PTCHD1: variants seen among roughly 807,000 people sequenced by gnomAD.
PTCHD1 encodes the protein patched domain-containing protein 1.
PTCHD1 carries 3 observed loss-of-function variants against 34.6 expected under a neutral mutation model. The observed-to-expected ratio is 0.09, with a 90% confidence interval of 0.04 to 0.22. PTCHD1 has a LOEUF of 0.22. Among genes scored for constraint, PTCHD1 ranks in the 10% least tolerant of loss-of-function variants. The probability of loss-of-function intolerance (pLI) is 1.00; values close to 1 mark genes in which losing one functional copy is unlikely to be tolerated. For missense variants in PTCHD1, 504 were observed against 685.5 expected, an observed-to-expected ratio of 0.74 and a Z score of 2.96; for synonymous variants, 305 against 283.1, an observed-to-expected ratio of 1.08 and a Z score of -0.77.
intron 1 of PTCHD1, among the ~76,000 whole-genome samples, chrX:23,340,355 T>G (rs1165053143): frequency 8.9e-6 from 1 of 111,898 alleles, no homozygotes; most frequent in African/African-American, 3.3e-5. Flanking sequence ...GCTCTGTCCC[T>G]TCAGGTCTAA....
chrX:23,360,809 C>T (rs893523026), intron 1 of PTCHD1, among the ~76,000 whole-genome samples: 10 of 112,203 alleles, frequency 8.9e-5, no homozygotes, highest in African/African-American at 2.6e-4. Context: ...GCCCTCTACA[C>T]CCTACTTTAA....
Position 23,396,969 on chromosome X carries a change from C to T in PTCHD1, c.*2784C>T, listed in dbSNP as rs1264654684. ...CATAAAATCTAAGTCTTTACTTCATCAAGTTTTACTTTTTGAATTGCTATA... is the reference window on the plus strand; with the variant it reads ...CATAAAATCTAAGTCTTTACTTCATTAAGTTTTACTTTTTGAATTGCTATA... On this transcript the variant is annotated 3_prime_UTR_variant, in exon 3 of 3. Coordinates refer to ENST00000379361, the MANE Select transcript of PTCHD1 (RefSeq NM_173495.3). The T allele has an allele frequency of 7.1e-5, 8 of 112,107 alleles. No homozygotes were observed. The highest frequency in any genetic ancestry group is 9.7e-5 in the African/African-American group (3 of 30,872). 9.2% of individuals were successfully genotyped at this position (112,107 alleles called of 1,213,427 possible). A position where few individuals can be genotyped will look rare whatever the true frequency, so the allele number is the denominator to read the frequency against.
chrX:23,363,129 C>G (rs1290673402), intron 1 of PTCHD1, among the ~76,000 whole-genome samples: 1 of 112,505 alleles, frequency 8.9e-6, no homozygotes, highest in Non-Finnish European at 1.9e-5. Context: ...AGGAGGCAGT[C>G]TGTCCATTCT....
At chrX:23,371,066 T>C (rs1289652601) in intron 1 of PTCHD1, among the ~76,000 whole-genome samples, 1 of 111,433 alleles carries the variant, frequency 9.0e-6, no homozygotes, top group Admixed American at 9.5e-5. Flanking sequence ...TCACATAAAA[T>C]TGCCGCTATT....
At position 23,401,023 on chromosome X, in the gene PTCHD1, TTGTGTG is replaced by T. The variant is rs761301286; in HGVS notation, c.*6868_*6873del. ...GGTGCCCGCCACCGCGCCCGGCTAA[TTGTGTG>T]TGTGTGTGTGTGTGTGTGTGTGTGT... On this transcript the variant is annotated 3_prime_UTR_variant, in exon 3 of 3. Coordinates refer to ENST00000379361, the MANE Select transcript of PTCHD1 (RefSeq NM_173495.3). 142 of 94,580 alleles carry T rather than the reference TTGTGTG, an allele frequency of 1.5e-3. 1 individual carries two copies. In the South Asian group the frequency reaches 0.021, roughly 14 times the overall value. The allele number at this position is 94,580 out of a possible 1,213,427, so 7.8% of individuals were successfully genotyped here.
intron 1 of PTCHD1, among the ~76,000 whole-genome samples, chrX:23,375,799 A>G (rs1922400934): frequency 8.9e-6 from 1 of 111,960 alleles, no homozygotes; most frequent in South Asian, 3.7e-4. Context: ...AGTCTGTTTT[A>G]AATACATTTT....
At chrX:23,351,052 C>A in intron 1 of PTCHD1, 1 of 400,412 alleles carries the variant, frequency 2.5e-6, no homozygotes, top group Admixed American at 3.8e-5. Flanking sequence ...AAATGGGATG[C>A]CAGTATGACA....
chrX:23,335,015 A>G lies in PTCHD1; in HGVS notation c.140A>G (p.Gln47Arg). ...ILLGASFSRY[Q>R]VEESVEHLLA... ...CTCGGCGCCAGCTTCAGCCGCTACC[A>G]GGTCGAGGAGAGCGTGGAGCACCTG... The change falls in exon 1 of 3, where the codon CAG becomes CGG. Residue 47 changes from glutamine (Q) to arginine (R), a missense_variant. Coordinates refer to ENST00000379361, the MANE Select transcript of PTCHD1 (RefSeq NM_173495.3). 1 of 1,210,869 alleles carries G rather than the reference A, an allele frequency of 8.3e-7. No homozygotes were observed. The highest frequency in any genetic ancestry group is 1.8e-5 in the South Asian group (1 of 56,946).
intron 1 of PTCHD1, among the ~76,000 whole-genome samples, chrX:23,365,828 T>C (rs1361773609): frequency 8.9e-6 from 1 of 112,305 alleles, no homozygotes; most frequent in African/African-American, 3.2e-5. Flanking sequence ...CTAGAGGATA[T>C]GAGCAGGGTG....
At chrX:23,382,151 A>G (rs1186596168) in intron 2 of PTCHD1, among the ~76,000 whole-genome samples, 1 of 111,856 alleles carries the variant, frequency 8.9e-6, no homozygotes, top group Non-Finnish European at 1.9e-5. Context: ...AAGGACAATC[A>G]GTGCTGATTT....
At chrX:23,346,948 C>T (rs1366277585) in intron 1 of PTCHD1, among the ~76,000 whole-genome samples, 1 of 112,156 alleles carries the variant, frequency 8.9e-6, no homozygotes, top group Non-Finnish European at 1.9e-5. Flanking sequence ...CTTAACCTCT[C>T]TGGGAGGTCT....
intron 1 of PTCHD1, among the ~76,000 whole-genome samples, chrX:23,353,732 G>A (rs766273127): frequency 4.4e-5 from 5 of 112,610 alleles, no homozygotes; most frequent in African/African-American, 1.6e-4. Context: ...AGGATTTAAA[G>A]CAGAGGAAAG....
At chrX:23,354,147 G>A (rs759435092) in intron 1 of PTCHD1, among the ~76,000 whole-genome samples, 3 of 111,116 alleles carry the variant, frequency 2.7e-5, no homozygotes, top group Non-Finnish European at 5.7e-5. Context: ...CCGAGGAAGC[G>A]GGAAGTACAG....
chrX:23,351,459 A>G, intron 1 of PTCHD1: 2 of 530,117 alleles, frequency 3.8e-6, no homozygotes, highest in Non-Finnish European at 6.8e-6. Flanking sequence ...CATAATTTGA[A>G]TAAAATAGTT....
intron 1 of PTCHD1, among the ~76,000 whole-genome samples, chrX:23,359,058 A>G (rs1416018484): frequency 8.9e-6 from 1 of 111,929 alleles, no homozygotes; most frequent in Non-Finnish European, 1.9e-5. Context: ...TAGCCTTGTA[A>G]TATAGTTTGA....
rs777669890 is a variant in PTCHD1, at chrX:23,403,594, C to G, written c.*9409C>G. 4 of 111,508 alleles carry G rather than the reference C, an allele frequency of 3.6e-5. No homozygotes were observed. Among genetic ancestry groups the G allele is most frequent in the Non-Finnish European group, 5.6e-5 (3 of 53,111 alleles). 9.2% of individuals were successfully genotyped at this position (111,508 alleles called of 1,213,427 possible). ...CTAATTTTTACCGAAAGTCAAGAGA[C>G]ACACAGATCTTTTTTGGTACCCTCT... On this transcript the variant is annotated 3_prime_UTR_variant, in exon 3 of 3. Coordinates refer to ENST00000379361, the MANE Select transcript of PTCHD1 (RefSeq NM_173495.3).
chrX:23,371,781 G>A (rs1466108737), intron 1 of PTCHD1, among the ~76,000 whole-genome samples: 2 of 111,139 alleles, frequency 1.8e-5, no homozygotes, highest in Non-Finnish European at 3.8e-5. Flanking sequence ...ATTATGTTTG[G>A]AAGCTGTAAG....
chrX:23,400,263 A>G lies in PTCHD1; in HGVS notation c.*6078A>G, dbSNP rs1923085264. ...TTTGGGAGGCGGAGGCGGGCAGATC[A>G]CGAGGTTAAGAGATTGAGACCATCC... On this transcript the variant is annotated 3_prime_UTR_variant, in exon 3 of 3. Coordinates refer to ENST00000379361, the MANE Select transcript of PTCHD1 (RefSeq NM_173495.3). 8.9e-6 allele frequency: 1 copy of G among 111,808 alleles called. No individual in the cohort carries two copies. The highest frequency in any genetic ancestry group is 1.9e-5 in the Non-Finnish European group (1 of 53,156). The allele number at this position is 111,808 out of a possible 1,213,427, so 9.2% of individuals were successfully genotyped here.
chrX:23,358,583 C>A (rs1419163288), intron 1 of PTCHD1, among the ~76,000 whole-genome samples: 1 of 111,609 alleles, frequency 9.0e-6, no homozygotes, highest in Non-Finnish European at 1.9e-5. Flanking sequence ...AAAATTTTCT[C>A]CCATTCTATA....
Sources: gnomAD v4.1 joint callset for allele counts (sites outside exome capture counted in the v4.1 genomes callset) on GRCh38, gnomAD v4.1.1 for gene constraint, MANE v1.5 for transcripts, NCBI Gene and HGNC (gene_info 2026-07-23, HGNC 2026-07-21) for gene names.